Variants in LRCH3 observed in about 807,000 individuals in gnomAD.
The protein encoded by LRCH3 is leucine rich repeats and calponin homology domain containing 3, also known as DISP complex protein LRCH3.
In LRCH3, 68 loss-of-function variants were observed where a neutral mutation model predicts 104.5. The observed-to-expected ratio is 0.65, with a 90% confidence interval of 0.54 to 0.80. The LOEUF is 0.80. LRCH3 is among the 30% of genes least tolerant of loss of function. The probability of loss-of-function intolerance (pLI) is 0.00; values close to 1 mark genes in which losing one functional copy is unlikely to be tolerated. For missense variants in LRCH3, 951 were observed against 953.9 expected, an observed-to-expected ratio of 1.00 and a Z score of 0.04; for synonymous variants, 344 against 361.3, an observed-to-expected ratio of 0.95 and a Z score of 0.54.
chr3:197,833,775 A>G (rs1448894887), intron 8 of LRCH3, among the ~76,000 whole-genome samples: 1 of 152,158 alleles, frequency 6.6e-6, no homozygotes, highest in Non-Finnish European at 1.5e-5. Flanking sequence ...TATGTGGTTC[A>G]CCTTCATGGC....
At chr3:197,841,452 T>C (rs1306791459) in intron 10 of LRCH3, among the ~76,000 whole-genome samples, 2 of 152,244 alleles carry the variant, frequency 1.3e-5, no homozygotes, top group East Asian at 3.8e-4. Flanking sequence ...ATTCTTTTGC[T>C]TTTAAGGGCT....
chr3:197,877,898 G>C (rs1713087821), intron 20 of LRCH3, among the ~76,000 whole-genome samples: 1 of 152,016 alleles, frequency 6.6e-6, no homozygotes, highest in African/African-American at 2.4e-5. Flanking sequence ...TTTTATAAAG[G>C]GTCATCTTTT....
At position 197,848,025 on chromosome 3, in the gene LRCH3, A is replaced by T. The variant is rs1450147027; in HGVS notation, c.1530+4A>T. 1 of 1,613,882 alleles carries T rather than the reference A, an allele frequency of 6.2e-7. No homozygotes were observed. The highest frequency in any genetic ancestry group is 8.5e-7 in the Non-Finnish European group (1 of 1,179,890). On this transcript the variant is annotated splice_donor_region_variant and intron_variant, in intron 12 of 20. Transcript: ENST00000425562. The stretch of plus-strand genomic sequence containing the variant: ...TGCTGTCCTGGACTTTGTCAAAGTG[A>T]GTCGTTTGAATGATGCTGTTCAAGC...
Position 197,883,134 on chromosome 3 carries a change from T to C in LRCH3, c.2209-407T>C. 2.0e-6 allele frequency: 2 copies of C among 987,066 alleles called. No homozygotes were observed. Among genetic ancestry groups the C allele is most frequent in the Non-Finnish European group, 1.2e-6 (1 of 831,008 alleles). 61.1% of individuals were successfully genotyped at this position (987,066 alleles called of 1,614,324 possible). A position where few individuals can be genotyped will look rare whatever the true frequency, so the allele number is the denominator to read the frequency against. On this transcript the variant is annotated intron_variant, in intron 20 of 20. Transcript: ENST00000425562. This position sits in a 1 kb window ranked among gnomAD's most constrained non-coding sequence, Gnocchi z 4.2. Reference sequence around the variant, plus strand: ...GTAGGGAACTTACCCTCAAGTGTAGTATCTTTTACTCTTGAGCCATCTGGT... The same window carrying C: ...GTAGGGAACTTACCCTCAAGTGTAGCATCTTTTACTCTTGAGCCATCTGGT...
chr3:197,801,094 C>CAAAAAAAAAAA (rs750542854), intron 1 of LRCH3, among the ~76,000 whole-genome samples: 1 of 34,280 alleles, frequency 2.9e-5, no homozygotes. Flanking sequence ...GACTCCATCT[C>CAAAAAAAAAAA]AAAAAAAAAA....
At chr3:197,791,962 A>G (rs1730571948) in intron 1 of LRCH3, among the ~76,000 whole-genome samples, 1 of 152,084 alleles carries the variant, frequency 6.6e-6, no homozygotes, top group African/African-American at 2.4e-5. Context: ...CTGCATTGTC[A>G]GGAAGGGTCG....
chr3:197,870,711 G>A (rs960025700), intron 18 of LRCH3, among the ~76,000 whole-genome samples: 13 of 151,532 alleles, frequency 8.6e-5, no homozygotes, highest in African/African-American at 7.3e-5. Flanking sequence ...GTGAGCTTCC[G>A]CGCCCGGCTG....
chr3:197,845,047 T>A (rs1191372973), intron 10 of LRCH3, among the ~76,000 whole-genome samples: 1 of 152,116 alleles, frequency 6.6e-6, no homozygotes, highest in Non-Finnish European at 1.5e-5. Flanking sequence ...GGACGCAGAT[T>A]GGATTGGGTG....
chr3:197,849,058 G>T (rs1034728830), intron 12 of LRCH3, among the ~76,000 whole-genome samples: 9 of 152,152 alleles, frequency 5.9e-5, no homozygotes, highest in Non-Finnish European at 7.3e-5. Context: ...GAGGTCAGGA[G>T]TTTGAGACCA....
chr3:197,806,375 C>T (rs1234192853), intron 1 of LRCH3, among the ~76,000 whole-genome samples: 1 of 152,056 alleles, frequency 6.6e-6, no homozygotes, highest in East Asian at 1.9e-4. Context: ...GATCCTCTCA[C>T]CTCAGCCTCT....
At chr3:197,817,142 T>C (rs761726716) in intron 2 of LRCH3, 34 bp from the exon 3 acceptor site, 1 of 1,573,722 alleles carries the variant, frequency 6.4e-7, no homozygotes, top group Non-Finnish European at 8.6e-7. Context: ...AGTGGTGGAC[T>C]CTGATTCTTC....
At chr3:197,881,014 C>T in intron 20 of LRCH3, 1 of 1,240,138 alleles carries the variant, frequency 8.1e-7, no homozygotes, top group South Asian at 1.9e-5. Flanking sequence ...TTTACTAATA[C>T]AATTCTGAAC....
intron 8 of LRCH3, among the ~76,000 whole-genome samples, chr3:197,835,000 C>A (rs184545678): frequency 6.6e-6 from 1 of 151,862 alleles, no homozygotes; most frequent in Non-Finnish European, 1.5e-5. Flanking sequence ...AAAAGTTAGC[C>A]GGGCGTGGTG....
intron 20 of LRCH3, among the ~76,000 whole-genome samples, chr3:197,880,232 A>C (rs533721955): frequency 4.6e-5 from 7 of 151,952 alleles, no homozygotes; most frequent in South Asian, 4.1e-4. Context: ...GGTGTGAGCC[A>C]CCGCGCCCGG....
chr3:197,793,968 C>A lies in LRCH3; in HGVS notation c.262+2428C>A, dbSNP rs147576746. Among the ~76,000 whole-genome samples the A allele has an allele frequency of 1.1e-3, 164 of 152,264 alleles. 7 individuals carry two copies. In the East Asian group the frequency reaches 0.022, roughly 20 times the overall value. On this transcript the variant is annotated intron_variant, in intron 1 of 20. Coordinates refer to ENST00000425562, the MANE Select transcript of LRCH3 (RefSeq NM_001365715.1). The stretch of plus-strand genomic sequence containing the variant: ...TATTGAGTGTTCACTATTTGTAATT[C>A]ACCGTGTTAGATATTTTGAAATATA...
chr3:197,825,463 G>GTTTTTT (rs1491060533), intron 4 of LRCH3, among the ~76,000 whole-genome samples: 2 of 29,400 alleles, frequency 6.8e-5, no homozygotes, highest in Admixed American at 3.9e-4. Flanking sequence ...GATCCTCTTT[G>GTTTTTT]ATTTTTTTTT....
At chr3:197,797,862 A>AAAAAAAAAAAACAAAAAAAAC (rs1252182680) in intron 1 of LRCH3, among the ~76,000 whole-genome samples, 2 of 43,906 alleles carry the variant, frequency 4.6e-5, no homozygotes, top group African/African-American at 9.4e-5. Flanking sequence ...TCCATCTCAA[A>AAAAAAAAAAAACAAAAAAAAC]AAAAAAAAAA....
Position 197,832,186 on chromosome 3 carries a change from T to G in LRCH3, c.982-11T>G, listed in dbSNP as rs112875619. The G allele has an allele frequency of 1.3e-4, 212 of 1,609,252 alleles. 1 individual carries two copies. In the East Asian group the frequency reaches 2.6e-3, roughly 20 times the overall value. On this transcript the variant is annotated splice_polypyrimidine_tract_variant and intron_variant, in intron 7 of 20. Transcript: ENST00000425562. The stretch of plus-strand genomic sequence containing the variant: ...AATGATTGTTTTTAATGTTTCTGCT[T>G]CTTTTTTAAGCCTACAGATGAATTT...
At chr3:197,825,189 C>A (rs933390462) in intron 4 of LRCH3, among the ~76,000 whole-genome samples, 1 of 151,896 alleles carries the variant, frequency 6.6e-6, no homozygotes, top group African/African-American at 2.4e-5. Flanking sequence ...ATTTTGTGAC[C>A]AGCTTTTGCT....
Sources: allele counts gnomAD v4.1 joint callset (sites outside exome capture counted in the v4.1 genomes callset), GRCh38; gene constraint gnomAD v4.1.1; non-coding constraint Gnocchi (gnomAD v3.1); transcripts MANE v1.5; gene names NCBI Gene and HGNC (gene_info 2026-07-23, HGNC 2026-07-21).